WWOX: variants seen among roughly 807,000 people sequenced by gnomAD.
WWOX encodes the protein WW domain-containing oxidoreductase.
A neutral mutation model predicts 46.2 loss-of-function variants in WWOX; 69 were observed. The observed-to-expected ratio is 1.49, with a 90% CI of 1.23 to 1.82. The LOEUF (loss-of-function observed/expected upper bound fraction) is 1.82. WWOX is among the 40% of genes most tolerant of loss of function. WWOX has a pLI of 0.00. For synonymous variants in WWOX, 359 were observed against 202.6 expected, an observed-to-expected ratio of 1.77 and a Z score of -6.56; for missense variants, 919 against 542.6, an observed-to-expected ratio of 1.69 and a Z score of -6.89.
At chr16:78,125,040 G>T (rs575451979) in intron 4 of WWOX, among the ~76,000 whole-genome samples, 3 of 152,318 alleles carry the variant, frequency 2.0e-5, no homozygotes, top group African/African-American at 7.2e-5. Context: ...TAGTTGCACA[G>T]AAACTGAAGT....
chr16:78,894,795 A>G (rs2044665445), intron 8 of WWOX, among the ~76,000 whole-genome samples: 2 of 152,142 alleles, frequency 1.3e-5, no homozygotes, highest in Admixed American at 1.3e-4. Context: ...TATGAAGTTG[A>G]CCTTGAGACC....
intron 8 of WWOX, among the ~76,000 whole-genome samples, chr16:79,133,540 T>C (rs377027178): frequency 1.3e-5 from 2 of 152,350 alleles, no homozygotes; most frequent in African/African-American, 4.8e-5. Flanking sequence ...TAAATGTTCT[T>C]TTCTTTTTCC....
chr16:78,727,272 G>A (rs2048858147), intron 8 of WWOX, among the ~76,000 whole-genome samples: 1 of 152,166 alleles, frequency 6.6e-6, no homozygotes, highest in Non-Finnish European at 1.5e-5. Context: ...GGTGACAAAC[G>A]CATGTAATCC....
intron 8 of WWOX, among the ~76,000 whole-genome samples, chr16:78,727,913 A>T (rs1567519330): frequency 6.6e-6 from 1 of 152,234 alleles, no homozygotes. Context: ...GCATTTGTTT[A>T]TCTGGGTCAT....
At chr16:78,250,212 C>G (rs538357916) in intron 5 of WWOX, among the ~76,000 whole-genome samples, 4 of 152,326 alleles carry the variant, frequency 2.6e-5, no homozygotes, top group South Asian at 2.1e-4. Context: ...CAGATCATTT[C>G]TTTAGCACAA....
At chr16:78,539,817 G>T (rs1232435825) in intron 8 of WWOX, among the ~76,000 whole-genome samples, 1 of 152,108 alleles carries the variant, frequency 6.6e-6, no homozygotes, top group African/African-American at 2.4e-5. Flanking sequence ...CTTTGATGCT[G>T]GGAATGCGTT....
At chr16:78,692,376 C>A (rs1474697849) in intron 8 of WWOX, among the ~76,000 whole-genome samples, 1 of 152,206 alleles carries the variant, frequency 6.6e-6, no homozygotes, top group African/African-American at 2.4e-5. Flanking sequence ...AAGCTTCAGT[C>A]CTTACCAAAG....
chr16:78,876,510 G>T (rs1169598958), intron 8 of WWOX, among the ~76,000 whole-genome samples: 1 of 150,338 alleles, frequency 6.7e-6, no homozygotes, highest in Non-Finnish European at 1.5e-5. Flanking sequence ...GGTAAGATCT[G>T]CTGTCTTGTG....
Position 78,461,749 on chromosome 16 carries a change from G to A in WWOX, c.1056+28997G>A, listed in dbSNP as rs1484771364. Reference sequence around the variant, plus strand: ...TATGAATTATACCTTATTTATGATCGTCGAGCCCTCCCTTTTCCCGTCATG... The same window carrying A: ...TATGAATTATACCTTATTTATGATCATCGAGCCCTCCCTTTTCCCGTCATG... On this transcript the variant is annotated intron_variant, in intron 8 of 8. Coordinates refer to ENST00000566780, the MANE Select transcript of WWOX (RefSeq NM_016373.4). Among the ~76,000 whole-genome samples the A allele has an allele frequency of 3.3e-5, 5 of 152,246 alleles. No individual in the cohort carries two copies. The East Asian group carries it at 5.8e-4, about 18-fold the overall frequency.
rs144011502 is a variant in WWOX, at chr16:78,663,091, C to G, written c.1056+230339C>G. Reference sequence around the variant, plus strand: ...TCACAAACTTGTGCAGACATCACCACTATCTAATTTCAGAACATTTTTATC... The same window carrying G: ...TCACAAACTTGTGCAGACATCACCAGTATCTAATTTCAGAACATTTTTATC... On this transcript the variant is annotated intron_variant, in intron 8 of 8. Coordinates refer to ENST00000566780, the MANE Select transcript of WWOX (RefSeq NM_016373.4). 7.2e-4 allele frequency among the ~76,000 whole-genome samples: 109 copies of G among 152,262 alleles called. No individual in the cohort carries two copies. In the East Asian group the frequency reaches 9.3e-3, roughly 13 times the overall value.
chr16:78,277,901 C>T (rs537464549), intron 5 of WWOX, among the ~76,000 whole-genome samples: 11 of 152,224 alleles, frequency 7.2e-5, no homozygotes, highest in South Asian at 2.1e-4. Context: ...TTGCTAACAC[C>T]GTGGAAATTT....
chr16:78,583,121 C>G (rs149862080), intron 8 of WWOX, among the ~76,000 whole-genome samples: 3 of 152,152 alleles, frequency 2.0e-5, no homozygotes, highest in East Asian at 1.9e-4. Flanking sequence ...CTTTTGTTTT[C>G]GAAGCCTTTG....
intron 8 of WWOX, among the ~76,000 whole-genome samples, chr16:79,183,588 A>C (rs1249687450): frequency 6.6e-6 from 1 of 152,222 alleles, no homozygotes; most frequent in African/African-American, 2.4e-5. Flanking sequence ...TGCTGTGAGT[A>C]AATCAGTGTG....
intron 8 of WWOX, among the ~76,000 whole-genome samples, chr16:78,722,773 G>C (rs2048726009): frequency 6.6e-6 from 1 of 150,380 alleles, no homozygotes; most frequent in African/African-American, 2.5e-5. Context: ...GGGTGTGGTG[G>C]CTCATGGCTG....
chr16:78,243,055 T>A (rs919827283), intron 5 of WWOX, among the ~76,000 whole-genome samples: 1 of 152,074 alleles, frequency 6.6e-6, no homozygotes, highest in African/African-American at 2.4e-5. Context: ...CCCTTCCCTC[T>A]CCCCATCCTA....
At chr16:78,470,840 A>C (rs552802498) in intron 8 of WWOX, among the ~76,000 whole-genome samples, 1 of 152,116 alleles carries the variant, frequency 6.6e-6, no homozygotes, top group South Asian at 2.1e-4. Flanking sequence ...GCAAGACCCC[A>C]CTGCTATTGT....
At position 78,160,093 on chromosome 16, in the gene WWOX, G is replaced by A. The variant is rs113368990; in HGVS notation, c.410-4090G>A. On this transcript the variant is annotated intron_variant, in intron 4 of 8. Transcript: ENST00000566780. ...TCTCCTTTCTCCTTTTATTTCCATC[G>A]TTCTGCTTTCTTTAGGCTTAATTTG... Among the ~76,000 whole-genome samples the A allele has an allele frequency of 9.8e-3, 1,478 of 151,218 alleles. 14 individuals carry two copies. Among genetic ancestry groups the A allele is most frequent in the Middle Eastern group, 0.021 (6 of 290 alleles).
At chr16:78,528,207 G>A (rs919162907) in intron 8 of WWOX, among the ~76,000 whole-genome samples, 2 of 129,066 alleles carry the variant, frequency 1.5e-5, no homozygotes, top group Non-Finnish European at 3.2e-5. Context: ...GTCGAGACAG[G>A]GTTTCACCGT....
chr16:78,197,604 C>T (rs977776048), intron 5 of WWOX, among the ~76,000 whole-genome samples: 2 of 152,184 alleles, frequency 1.3e-5, no homozygotes, highest in African/African-American at 4.8e-5. Context: ...TGATAGAAGG[C>T]TGTGTGTTTA....
Sources: gnomAD v4.1 joint callset for allele counts (sites outside exome capture counted in the v4.1 genomes callset) on GRCh38, gnomAD v4.1.1 for gene constraint, MANE v1.5 for transcripts, NCBI Gene and HGNC (gene_info 2026-07-23, HGNC 2026-07-21) for gene names.